C1orf87: variants seen among roughly 807,000 people sequenced by gnomAD.
C1orf87 encodes the protein uncharacterized protein C1orf87.
A neutral mutation model predicts 60.5 loss-of-function variants in C1orf87; 58 were observed. The observed-to-expected ratio is 0.96, with a 90% confidence interval of 0.78 to 1.19. The LOEUF (loss-of-function observed/expected upper bound fraction) is 1.19. Among genes scored for constraint, C1orf87 ranks in the 50% most tolerant of loss-of-function variants. The probability of loss-of-function intolerance (pLI) is 0.00; values close to 1 mark genes in which losing one functional copy is unlikely to be tolerated. For missense variants in C1orf87, 673 were observed against 638.6 expected (o/e 1.05, Z -0.58); for synonymous variants, 236 against 227.4 (o/e 1.04, Z -0.34).
intron 3 of C1orf87, among the ~76,000 whole-genome samples, chr1:60,045,630 T>C (rs556625758): frequency 1.3e-5 from 2 of 152,326 alleles, no homozygotes; most frequent in Admixed American, 1.3e-4. Context: ...CCAGACAGTG[T>C]GTTATTTCAT....
At chr1:60,062,834 A>G (rs955392174) in intron 2 of C1orf87, among the ~76,000 whole-genome samples, 1 of 152,188 alleles carries the variant, frequency 6.6e-6, no homozygotes, top group African/African-American at 2.4e-5. Flanking sequence ...GTTACCTCAT[A>G]GTCTCAATAT....
At chr1:60,051,799 G>GT in intron 3 of C1orf87, among the ~76,000 whole-genome samples, 1 of 152,292 alleles carries the variant, frequency 6.6e-6, no homozygotes, top group Non-Finnish European at 1.5e-5. Flanking sequence ...GAAAGATAAG[G>GT]TTTTGAGAGA....
rs1014997043 is a variant in C1orf87, at chr1:60,072,628, TC to T, written c.15del (p.Trp5Ter). The T allele has an allele frequency of 1.9e-6, 3 of 1,611,598 alleles. No homozygotes were observed. Among genetic ancestry groups the T allele is most frequent in the Non-Finnish European group, 2.5e-6 (3 of 1,179,488 alleles). On this transcript the variant is annotated frameshift_variant, in exon 2 of 12. Transcript: ENST00000371201. LOFTEE classifies it high-confidence loss of function. ...ATTGCATCTGATCCACGGGGAGTCT[TC>T]CAGGCTGAAGACATGATTCCTTTCA... MSSA[W>X]KTPRGSDAMP... is the part of the protein sequence containing the mutation.
chr1:60,045,505 A>G (rs939318591), intron 3 of C1orf87, among the ~76,000 whole-genome samples: 7 of 152,218 alleles, frequency 4.6e-5, no homozygotes, highest in African/African-American at 1.4e-4. Flanking sequence ...AAACAGGCAC[A>G]TGTGGAGATA....
At chr1:59,991,000 T>C (rs1166340406) in intron 11 of C1orf87, among the ~76,000 whole-genome samples, 167 bp from the exon 12 acceptor site, 1 of 152,186 alleles carries the variant, frequency 6.6e-6, no homozygotes, top group Non-Finnish European at 1.5e-5. Flanking sequence ...TTTATAGCTG[T>C]GGGTATGCAT....
chr1:60,000,993 G>T, intron 10 of C1orf87, 84 bp downstream of exon 10: 1 of 1,132,978 alleles, frequency 8.8e-7, no homozygotes, highest in Non-Finnish European at 1.3e-6. Flanking sequence ...AAAACCCACA[G>T]GAGAGAGCCC....
chr1:60,006,598 T>C (rs573317377), intron 9 of C1orf87, among the ~76,000 whole-genome samples: 1 of 146,416 alleles, frequency 6.8e-6, no homozygotes, highest in Non-Finnish European at 1.5e-5. Context: ...CTTTGCTTTC[T>C]GCATCCTCTT....
intron 3 of C1orf87, among the ~76,000 whole-genome samples, chr1:60,053,996 C>T (rs1443933479): frequency 6.6e-6 from 1 of 152,050 alleles, no homozygotes; most frequent in East Asian, 1.9e-4. Context: ...TCTTTTATAA[C>T]CATAATATTA....
intron 8 of C1orf87, among the ~76,000 whole-genome samples, chr1:60,019,068 T>C (rs1574303857): frequency 6.6e-6 from 1 of 152,222 alleles, no homozygotes; most frequent in South Asian, 2.1e-4. Context: ...ACTGTGTACC[T>C]ATCATGTGCC....
At chr1:60,062,947 T>C (rs1047493307) in intron 2 of C1orf87, among the ~76,000 whole-genome samples, 1 of 152,098 alleles carries the variant, frequency 6.6e-6, no homozygotes. Context: ...AGAACAACAG[T>C]ATATTATGCT....
intron 11 of C1orf87, among the ~76,000 whole-genome samples, chr1:59,993,812 G>A (rs1239261971): frequency 3.4e-5 from 5 of 145,050 alleles, no homozygotes; most frequent in Non-Finnish European, 7.4e-5. Flanking sequence ...AGGCTGGAGT[G>A]CAGTGGCATG....
chr1:59,994,042 A>G (rs1171229588), intron 11 of C1orf87, among the ~76,000 whole-genome samples: 1 of 152,220 alleles, frequency 6.6e-6, no homozygotes, highest in African/African-American at 2.4e-5. Flanking sequence ...TACAGGCGTG[A>G]GCCACTGCAC....
chr1:60,052,396 T>A (rs1645421100), intron 3 of C1orf87, among the ~76,000 whole-genome samples: 1 of 152,198 alleles, frequency 6.6e-6, no homozygotes, highest in South Asian at 2.1e-4. Flanking sequence ...ATCCTAGGAC[T>A]AGGAGTCAGA....
In C1orf87 at chr1:60,010,473, A is replaced by T; in HGVS notation, c.1128-17T>A. On this transcript the variant is annotated splice_polypyrimidine_tract_variant and intron_variant, in intron 8 of 11. Coordinates refer to ENST00000371201, the MANE Select transcript of C1orf87 (RefSeq NM_152377.3). ...TTCTGCCATCTGTGCAAGAAAAGGA[A>T]ACATAAATTGGTGATCAATATGATT... 1 of 1,608,664 alleles carries T rather than the reference A, an allele frequency of 6.2e-7. No homozygotes were observed. Among genetic ancestry groups the T allele is most frequent in the Non-Finnish European group, 8.5e-7 (1 of 1,175,590 alleles).
rs192356466 is a variant in C1orf87 at position 60,031,146 on chromosome 1, C to A, written c.1029+2330G>T. ...ACCCCCACAAAAAACCCCTTTAACT[C>A]AGTCATAACCTTTCCTTGTCCACTC... On this transcript the variant is annotated intron_variant, in intron 7 of 11. Transcript: ENST00000371201. Among the ~76,000 whole-genome samples the A allele has an allele frequency of 3.9e-5, 6 of 152,274 alleles. No homozygotes were observed. The East Asian group carries it at 1.2e-3, about 29-fold the overall frequency.
At chr1:60,005,267 G>C (rs1574296239) in intron 9 of C1orf87, among the ~76,000 whole-genome samples, 1 of 152,058 alleles carries the variant, frequency 6.6e-6, no homozygotes, top group Non-Finnish European at 1.5e-5. Context: ...AGACAACAGA[G>C]GCAGGGTTAC....
chr1:60,064,962 TATAA>T (rs1443704893), intron 2 of C1orf87, among the ~76,000 whole-genome samples: 23 of 30,136 alleles, frequency 7.6e-4, no homozygotes, highest in South Asian at 6.7e-3. Flanking sequence ...ATATATAATA[TATAA>T]ATAAATAAAT....
rs370185577 is a variant in C1orf87 at position 60,064,270 on chromosome 1, C to A, written c.107+8267G>T. Among the ~76,000 whole-genome samples, 568 of 121,156 alleles carry A rather than the reference C, an allele frequency of 4.7e-3. 4 individuals are homozygous for A. Among genetic ancestry groups the A allele is most frequent in the African/African-American group, 0.013 (439 of 34,694 alleles). 79.5% of individuals were successfully genotyped at this position (121,156 alleles called of 152,430 possible). A position where few individuals can be genotyped will look rare whatever the true frequency, so the allele number is the denominator to read the frequency against. ...TATATGATATATATATTTTATATAT[C>A]ATATATAAATTATATATTATATATA... On this transcript the variant is annotated intron_variant, in intron 2 of 11. Transcript: ENST00000371201.
chr1:59,997,139 G>C (rs1252563962), intron 11 of C1orf87, among the ~76,000 whole-genome samples: 1 of 152,148 alleles, frequency 6.6e-6, no homozygotes, highest in East Asian at 1.9e-4. Context: ...GAAAGGCTGG[G>C]AGTTAGAAAT....
Sources: allele counts gnomAD v4.1 joint callset (sites outside exome capture counted in the v4.1 genomes callset), GRCh38; gene constraint gnomAD v4.1.1; transcripts MANE v1.5; gene names NCBI Gene and HGNC (gene_info 2026-07-23, HGNC 2026-07-21).